The following RASSF8 variants were observed in gnomAD, a reference collection of about 807,000 sequenced individuals.
The protein encoded by RASSF8 is ras association domain-containing protein 8.
RASSF8 carries 22 observed loss-of-function variants against 48.5 expected under a neutral mutation model. That is an observed-to-expected ratio of 0.45 (90% CI 0.32 to 0.65). RASSF8 has a LOEUF of 0.65. RASSF8 is among the 30% of genes least tolerant of loss of function. RASSF8 has a pLI of 0.03. For synonymous variants in RASSF8, 127 were observed against 171.5 expected (o/e 0.74, Z 2.03); for missense variants, 418 against 489.2 (o/e 0.85, Z 1.37).
At chr12:26,079,141 TC>T in exon 6 of RASSF8, 1 of 1,100,568 alleles carries the variant, frequency 9.1e-7, no homozygotes, top group South Asian at 1.5e-5. Context: ...AACCCAAAAC[TC>T]CTGCACAACA....
chr12:26,054,534 G>A (rs1035095591), intron 2 of RASSF8, among the ~76,000 whole-genome samples: 26 of 152,100 alleles, frequency 1.7e-4, no homozygotes, highest in Middle Eastern at 3.2e-3. Context: ...AAAGGAATTC[G>A]TTTCCTTTGA....
intron 2 of RASSF8, among the ~76,000 whole-genome samples, chr12:26,006,780 G>A (rs1942401960): frequency 6.6e-6 from 1 of 152,212 alleles, no homozygotes; most frequent in Non-Finnish European, 1.5e-5. Flanking sequence ...GAGTGGGACA[G>A]TGTTGGAATA....
chr12:26,026,949 G>GTTCA (rs1418606568), intron 2 of RASSF8, among the ~76,000 whole-genome samples: 4 of 152,148 alleles, frequency 2.6e-5, no homozygotes, highest in Admixed American at 2.6e-4. Flanking sequence ...GTACATGAAT[G>GTTCA]TTCATAGCAG....
chr12:26,067,235 G>C (rs1943896145), intron 4 of RASSF8, among the ~76,000 whole-genome samples: 2 of 152,186 alleles, frequency 1.3e-5, no homozygotes, highest in Non-Finnish European at 2.9e-5. Flanking sequence ...TTTACAGACT[G>C]AGAAACCCAT....
At chr12:26,005,162 G>GC (rs1942358715) in intron 2 of RASSF8, among the ~76,000 whole-genome samples, 1 of 122,714 alleles carries the variant, frequency 8.1e-6, no homozygotes, top group Non-Finnish European at 1.7e-5. Flanking sequence ...TTTTACGGAT[G>GC]GGGTGTGTGT....
chr12:25,976,398 T>G (rs941812994), intron 1 of RASSF8, among the ~76,000 whole-genome samples: 4 of 150,862 alleles, frequency 2.7e-5, no homozygotes, highest in African/African-American at 9.7e-5. Context: ...AGCGGAGTCT[T>G]GGTTTGCACA....
At position 26,032,281 on chromosome 12, in the gene RASSF8, C is replaced by T. The variant is rs147058303; in HGVS notation, c.-108-22955C>T. Among the ~76,000 whole-genome samples, 7 of 152,136 alleles carry T rather than the reference C, an allele frequency of 4.6e-5. No homozygotes were observed. In the East Asian group the frequency reaches 1.2e-3, roughly 25 times the overall value. On this transcript the variant is annotated intron_variant, in intron 2 of 5. Coordinates refer to ENST00000689635, the MANE Select transcript of RASSF8 (RefSeq NM_001394098.1). ...GTGTATGTTATTGCTTCATTTTCCCCGAAAGGAAGTGGGAGAAATTTGAGT... is the reference window on the plus strand; with the variant it reads ...GTGTATGTTATTGCTTCATTTTCCCTGAAAGGAAGTGGGAGAAATTTGAGT...
At chr12:26,019,563 C>CTGTGTGTGTGTGTG (rs56895234) in intron 2 of RASSF8, among the ~76,000 whole-genome samples, 1 of 148,200 alleles carries the variant, frequency 6.7e-6, no homozygotes, top group African/African-American at 2.5e-5. Flanking sequence ...CGGGCATACA[C>CTGTGTGTGTGTGTG]TGTGTGTGTG....
At chr12:26,041,199 A>G (rs971561656) in intron 2 of RASSF8, among the ~76,000 whole-genome samples, 37 of 152,008 alleles carry the variant, frequency 2.4e-4, no homozygotes, top group African/African-American at 8.9e-4. Flanking sequence ...GCCAGTATAC[A>G]TAGTATTCTT....
In RASSF8 at chr12:26,042,311, TA is replaced by T. The variant is rs1943282219; in HGVS notation, c.-108-12924del. On this transcript the variant is annotated intron_variant, in intron 2 of 5. Transcript: ENST00000689635. ...TCTATGGGTCTGGGTTGTTTTGTTT[TA>T]TTTTGTTTTGTTTTGTTTTTTTCCA... Among the ~76,000 whole-genome samples, 6 of 152,320 alleles carry T rather than the reference TA, an allele frequency of 3.9e-5. No individual in the cohort carries two copies. The South Asian group carries it at 1.2e-3, about 32-fold the overall frequency.
Position 25,958,925 on chromosome 12 carries a change from C to T in RASSF8, c.-426C>T, listed in dbSNP as rs1382576150. ...GCGGCACCCCCGCCAGTGGCGTCCACACTCACCTAGCGCGGGCCGGGAGGT... is the reference window on the plus strand; with the variant it reads ...GCGGCACCCCCGCCAGTGGCGTCCATACTCACCTAGCGCGGGCCGGGAGGT... On this transcript the variant is annotated 5_prime_UTR_variant, in exon 1 of 6. Transcript: ENST00000689635. 1 of 147,140 alleles carries T rather than the reference C, an allele frequency of 6.8e-6. No individual in the cohort carries two copies. Among genetic ancestry groups the T allele is most frequent in the Non-Finnish European group, 1.5e-5 (1 of 66,096 alleles). The allele number at this position is 147,140 out of a possible 1,614,324, so 9.1% of individuals were successfully genotyped here. A position where few individuals can be genotyped will look rare whatever the true frequency, so the allele number is the denominator to read the frequency against.
At chr12:25,984,810 C>T (rs765402425) in intron 1 of RASSF8, among the ~76,000 whole-genome samples, 1 of 152,204 alleles carries the variant, frequency 6.6e-6, no homozygotes, top group Non-Finnish European at 1.5e-5. Flanking sequence ...TTATACCTTA[C>T]TCATTTTATG....
At chr12:26,001,558 A>T (rs1011945508) in intron 2 of RASSF8, among the ~76,000 whole-genome samples, 3 of 152,126 alleles carry the variant, frequency 2.0e-5, no homozygotes, top group Non-Finnish European at 2.9e-5. Flanking sequence ...TATTTTTAAA[A>T]TTATTTATTT....
chr12:26,079,709 A>G (rs1200527962), exon 6 of RASSF8: 2 of 152,190 alleles, frequency 1.3e-5, no homozygotes. Context: ...ACAATGAGAT[A>G]CCACCTCACA....
At chr12:25,988,142 T>A (rs1806257171) in intron 1 of RASSF8, among the ~76,000 whole-genome samples, 1 of 152,036 alleles carries the variant, frequency 6.6e-6, no homozygotes, top group African/African-American at 2.4e-5. Flanking sequence ...ATTACAGGTG[T>A]GAGCCACCAC....
At chr12:26,059,108 T>C (rs1943682301) in intron 3 of RASSF8, among the ~76,000 whole-genome samples, 2 of 152,368 alleles carry the variant, frequency 1.3e-5, no homozygotes, top group African/African-American at 2.4e-5. Context: ...ACAGATCATC[T>C]ATCTCAAGTT....
chr12:26,073,055 C>G (rs4963951), downstream of RASSF8, among the ~76,000 whole-genome samples: 4 of 152,364 alleles, frequency 2.6e-5, no homozygotes, highest in South Asian at 6.2e-4. Context: ...TAAGAAACTA[C>G]TATGCCTTTT....
At chr12:26,076,591 C>G (rs933481690), downstream of RASSF8, among the ~76,000 whole-genome samples, 1 of 136,686 alleles carries the variant, frequency 7.3e-6, no homozygotes, top group South Asian at 2.4e-4. Context: ...CAAAGGACAT[C>G]AACTCATCCT....
At chr12:26,057,302 G>C (rs577790220) in intron 3 of RASSF8, among the ~76,000 whole-genome samples, 1 of 151,992 alleles carries the variant, frequency 6.6e-6, no homozygotes, top group South Asian at 2.1e-4. Flanking sequence ...CAACAGGCCC[G>C]GTGTGTGGTG....
Sources: allele counts gnomAD v4.1 joint callset (sites outside exome capture counted in the v4.1 genomes callset), GRCh38; gene constraint gnomAD v4.1.1; transcripts MANE v1.5; gene names NCBI Gene and HGNC (gene_info 2026-07-23, HGNC 2026-07-21).